Variants in HUWE1 observed in about 807,000 individuals in gnomAD.
The protein encoded by HUWE1 is E3 ubiquitin-protein ligase HUWE1.
HUWE1 carries 18 observed loss-of-function variants against 299.4 expected under a neutral mutation model. The ratio of observed to expected loss-of-function variants is 0.06; its 90% CI spans 0.04 to 0.09. HUWE1 has a LOEUF of 0.09. HUWE1 is among the 10% of genes least tolerant of loss of function. HUWE1 has a pLI of 1.00. For missense variants in HUWE1, 1,832 were observed against 3,462.3 expected, an observed-to-expected ratio of 0.53 and a Z score of 11.82; for synonymous variants, 1,317 against 1,286.1, an observed-to-expected ratio of 1.02 and a Z score of -0.51.
chrX:53,617,505 A>G, intron 19 of HUWE1, 59 bp from the exon 20 acceptor site: 1 of 710,802 alleles, frequency 1.4e-6, no homozygotes, highest in Non-Finnish European at 2.2e-6. Context: ...ACTGAAAACA[A>G]AACACCAAAA....
chrX:53,611,789 C>T (rs1344996302), intron 23 of HUWE1, among the ~76,000 whole-genome samples: 7 of 107,389 alleles, frequency 6.5e-5, no homozygotes, highest in South Asian at 4.2e-4. Context: ...ACTCGGGAGG[C>T]GGAGGTTGCA....
At chrX:53,655,697 G>A (rs1048744248) in intron 3 of HUWE1, among the ~76,000 whole-genome samples, 10 of 111,249 alleles carry the variant, frequency 9.0e-5, no homozygotes, top group Admixed American at 2.9e-4. Flanking sequence ...AACGTCTTAC[G>A]CAAGTGGCTG....
intron 7 of HUWE1, 77 bp downstream of exon 7, chrX:53,645,234 C>T (rs1352668132): frequency 9.6e-7 from 1 of 1,039,541 alleles, no homozygotes; most frequent in African/African-American, 1.9e-5. Flanking sequence ...TATATTTTAA[C>T]ACTCCAAGAA....
At position 53,535,712 on chromosome X, in the gene HUWE1, C is replaced by G. The variant is rs413052; in HGVS notation, c.12532-211G>C. 5.4e-5 allele frequency among the ~76,000 whole-genome samples: 6 copies of G among 111,423 alleles called. No individual in the cohort carries two copies. In the Middle Eastern group the frequency reaches 0.019, roughly 347 times the overall value. ...GGAAAGAGGAAAATACTCTTTGGCTCTAAGACCTACAAAAAAGGCAGAAGA... is the reference window on the plus strand; with the variant it reads ...GGAAAGAGGAAAATACTCTTTGGCTGTAAGACCTACAAAAAAGGCAGAAGA... On this transcript the variant is annotated intron_variant, in intron 80 of 83. Transcript: ENST00000262854.
At chrX:53,600,337 G>C in intron 28 of HUWE1, 28 bp from the exon 29 acceptor site, 8 of 1,079,384 alleles carry the variant, frequency 7.4e-6, no homozygotes, top group Non-Finnish European at 1.0e-5. Context: ...GGGAGCAATA[G>C]GACAATGTAG....
At chrX:53,623,446 C>T (rs782147287) in intron 19 of HUWE1, among the ~76,000 whole-genome samples, 1 of 112,095 alleles carries the variant, frequency 8.9e-6, no homozygotes, top group South Asian at 3.7e-4. Context: ...TTTTCCATAG[C>T]ATGGTAGAGT....
chrX:53,595,120 G>T, intron 30 of HUWE1, 67 bp downstream of exon 30: 1 of 951,709 alleles, frequency 1.1e-6, no homozygotes, highest in Non-Finnish European at 1.5e-6. Flanking sequence ...ATTTTAAGTA[G>T]TATAGGAACA....
intron 37 of HUWE1, 51 bp downstream of exon 37, chrX:53,588,331 T>C (rs2063966092): frequency 2.6e-6 from 3 of 1,149,319 alleles, no homozygotes; most frequent in Non-Finnish European, 1.2e-6. Context: ...GTTAAGTGTT[T>C]GATAATTCTT....
At chrX:53,593,056 T>C (rs1419595643) in intron 32 of HUWE1, among the ~76,000 whole-genome samples, 1 of 112,451 alleles carries the variant, frequency 8.9e-6, no homozygotes, top group Non-Finnish European at 1.9e-5. Context: ...GCTAGCACCA[T>C]GCTTCCAAAG....
chrX:53,639,516 G>T (rs2067435556), intron 7 of HUWE1, among the ~76,000 whole-genome samples: 1 of 111,474 alleles, frequency 9.0e-6, no homozygotes, highest in Non-Finnish European at 1.9e-5. Context: ...AGTGATTTTT[G>T]AACAAGGTCT....
At chrX:53,625,462 A>AAAATTTTAC (rs1557016295) in intron 17 of HUWE1, 1 of 363,753 alleles carries the variant, frequency 2.7e-6, no homozygotes, top group Non-Finnish European at 4.8e-6. Context: ...TTTTACCAAT[A>AAAATTTTAC]CTAAAAGTCT....
At chrX:53,579,929 C>G (rs1311192615) in intron 43 of HUWE1, 1 of 96,416 alleles carries the variant, frequency 1.0e-5, no homozygotes, top group East Asian at 3.1e-4. Context: ...GCGAGAAACA[C>G]CCAAGAATGA....
At chrX:53,626,080 C>T (rs782348478) in intron 17 of HUWE1, 4 of 346,767 alleles carry the variant, frequency 1.2e-5, no homozygotes, top group African/African-American at 1.1e-4. Flanking sequence ...ATAAAAGGTA[C>T]CACAAAAAGA....
Position 53,552,299 on chromosome X carries a change from C to T in HUWE1, c.8881+12G>A. On this transcript the variant is annotated intron_variant, in intron 63 of 83. Transcript: ENST00000262854. Reference sequence around the variant, plus strand: ...ACAATCCCAGGATGACCTGGGCATACACGGAACTCACCCGCAAGGGGATCT... The same window carrying T: ...ACAATCCCAGGATGACCTGGGCATATACGGAACTCACCCGCAAGGGGATCT... 3 of 1,211,042 alleles carry T rather than the reference C, an allele frequency of 2.5e-6. No individual in the cohort carries two copies. Among genetic ancestry groups the T allele is most frequent in the Non-Finnish European group, 3.4e-6 (3 of 895,170 alleles).
chrX:53,642,190 ATGTATC>A (rs1376667894), intron 7 of HUWE1, among the ~76,000 whole-genome samples: 2 of 112,090 alleles, frequency 1.8e-5, no homozygotes, highest in Non-Finnish European at 3.8e-5. Context: ...GTACTTGTTC[ATGTATC>A]TGTCCCATTA....
chrX:53,604,381 G>A (rs1202521004), intron 26 of HUWE1, among the ~76,000 whole-genome samples: 1 of 111,309 alleles, frequency 9.0e-6, no homozygotes, highest in East Asian at 2.8e-4. Flanking sequence ...AACATGTTTC[G>A]CTCTCAAGAA....
chrX:53,549,593 G>GT, intron 66 of HUWE1, 88 bp from the exon 67 acceptor site: 1 of 806,885 alleles, frequency 1.2e-6, no homozygotes, highest in Admixed American at 2.5e-5. Context: ...AATGAGCTAG[G>GT]TATCTCCAAG....
intron 51 of HUWE1, 46 bp from the exon 52 acceptor site, chrX:53,563,867 T>C (rs2062405633): frequency 1.7e-6 from 2 of 1,168,019 alleles, no homozygotes; most frequent in Non-Finnish European, 2.3e-6. Flanking sequence ...AAGTCTATCA[T>C]TGTGCTAGCA....
In HUWE1 at chrX:53,535,544, T is replaced by C. The variant is rs1556911849; in HGVS notation, c.12532-43A>G. 4 of 882,598 alleles carry C rather than the reference T, an allele frequency of 4.5e-6. No homozygotes were observed. The South Asian group carries it at 6.0e-5, about 13-fold the overall frequency. The allele number at this position is 882,598 out of a possible 1,213,427, so 72.7% of individuals were successfully genotyped here. ...CCAATCATACATATCAGACTTCATC[T>C]AGGATGGGATTAGATACCTAGGAAC... On this transcript the variant is annotated intron_variant, in intron 80 of 83. Coordinates refer to ENST00000262854, the MANE Select transcript of HUWE1 (RefSeq NM_031407.7).
Sources: allele counts gnomAD v4.1 joint callset (sites outside exome capture counted in the v4.1 genomes callset), GRCh38; gene constraint gnomAD v4.1.1; transcripts MANE v1.5; gene names NCBI Gene and HGNC (gene_info 2026-07-23, HGNC 2026-07-21).